Variants in MAPT observed in about 807,000 individuals in gnomAD.
MAPT encodes microtubule-associated protein tau.
A neutral mutation model predicts 67.9 loss-of-function variants in MAPT; 34 were observed. The ratio of observed to expected loss-of-function variants is 0.50; its 90% CI spans 0.38 to 0.67. The LOEUF is 0.67. MAPT is among the 30% of genes least tolerant of loss of function. The pLI is 0.00. For missense variants in MAPT, 881 were observed against 1,115.2 expected, an observed-to-expected ratio of 0.79 and a Z score of 2.99; for synonymous variants, 456 against 464.5, an observed-to-expected ratio of 0.98 and a Z score of 0.23.
intron 2 of MAPT, among the ~76,000 whole-genome samples, chr17:45,966,408 T>C (rs956901310): frequency 6.6e-6 from 1 of 151,730 alleles, no homozygotes; most frequent in African/African-American, 2.4e-5. Context: ...GGCAACATGG[T>C]GAAATCCTGT....
chr17:46,005,612 T>C (rs912538358), intron 9 of MAPT, among the ~76,000 whole-genome samples: 5 of 152,126 alleles, frequency 3.3e-5, no homozygotes, highest in African/African-American at 1.2e-4. Context: ...TAAAAAATAA[T>C]CCGCAAAGAA....
At chr17:45,920,815 G>A (rs1055292145) in intron 1 of MAPT, among the ~76,000 whole-genome samples, 7 of 152,140 alleles carry the variant, frequency 4.6e-5, no homozygotes, top group Non-Finnish European at 1.0e-4. Context: ...GGCCCAGGAA[G>A]GATAGCAGCA....
chr17:45,958,924 G>A (rs773856891), intron 1 of MAPT, among the ~76,000 whole-genome samples: 4 of 152,050 alleles, frequency 2.6e-5, no homozygotes, highest in Non-Finnish European at 5.9e-5. Context: ...TTCGCCAAGC[G>A]TGGTGGCACA....
intron 1 of MAPT, among the ~76,000 whole-genome samples, chr17:45,900,575 A>G (rs2063549100): frequency 6.6e-6 from 1 of 152,192 alleles, no homozygotes; most frequent in South Asian, 2.1e-4. Flanking sequence ...ACACCATGTC[A>G]GCGAGTCCCC....
chr17:45,980,766 C>T (rs1490487697), intron 4 of MAPT, among the ~76,000 whole-genome samples: 1 of 152,168 alleles, frequency 6.6e-6, no homozygotes, highest in Non-Finnish European at 1.5e-5. Context: ...AAGCGACTTC[C>T]GGAAGGCAGT....
chr17:45,998,742 C>T (rs1357491842), intron 9 of MAPT, among the ~76,000 whole-genome samples: 1 of 152,130 alleles, frequency 6.6e-6, no homozygotes, highest in Non-Finnish European at 1.5e-5. Context: ...CTGTCCTGCG[C>T]TTCCACTGGG....
intron 9 of MAPT, among the ~76,000 whole-genome samples, chr17:45,997,195 C>T (rs2074555268): frequency 6.6e-6 from 1 of 152,196 alleles, no homozygotes; most frequent in African/African-American, 2.4e-5. Flanking sequence ...CTCCAGCTTC[C>T]TAAAGGTGGA....
intron 1 of MAPT, among the ~76,000 whole-genome samples, chr17:45,930,317 G>A (rs1397332628): frequency 1.3e-5 from 2 of 150,906 alleles, no homozygotes; most frequent in Non-Finnish European, 2.9e-5. Flanking sequence ...TGAGGCACAA[G>A]AATCTCTTGA....
chr17:45,982,617 C>T (rs551853172), intron 4 of MAPT, among the ~76,000 whole-genome samples: 7 of 152,188 alleles, frequency 4.6e-5, no homozygotes, highest in Non-Finnish European at 7.4e-5. Flanking sequence ...CAAGAACCCT[C>T]TTTACAGATG....
intron 11 of MAPT, among the ~76,000 whole-genome samples, chr17:46,016,221 A>G (rs950224006): frequency 1.3e-5 from 2 of 152,166 alleles, no homozygotes; most frequent in Middle Eastern, 3.4e-3. Context: ...GCGAAACCCC[A>G]TGTCTACTAA....
At chr17:45,993,179 G>A (rs55662347) in intron 8 of MAPT, among the ~76,000 whole-genome samples, 22,072 of 152,252 alleles carry the variant, frequency 0.14, 2,142 homozygotes, top group Non-Finnish European at 0.22. Context: ...CACCTGCTGC[G>A]TGTCTTTGCG....
chr17:45,910,168 G>GGTA (rs2064660996), intron 1 of MAPT, among the ~76,000 whole-genome samples: 2 of 152,144 alleles, frequency 1.3e-5, no homozygotes, highest in Non-Finnish European at 2.9e-5. Flanking sequence ...CTCACACTTG[G>GGTA]GTAGCCCACA....
intron 1 of MAPT, among the ~76,000 whole-genome samples, chr17:45,935,308 G>T (rs971679486): frequency 2.0e-5 from 3 of 151,928 alleles, no homozygotes; most frequent in Non-Finnish European, 4.4e-5. Flanking sequence ...CTCTCACAAG[G>T]CTTTGTTCTG....
At chr17:46,002,419 A>G (rs1462691168) in intron 9 of MAPT, among the ~76,000 whole-genome samples, 1 of 152,162 alleles carries the variant, frequency 6.6e-6, no homozygotes, top group African/African-American at 2.4e-5. Context: ...TGTGGGGCCC[A>G]GGCTGCAGGA....
rs1487488649 is a variant in MAPT at position 45,983,316 on chromosome 17, C to T, written c.737C>T (p.Ser246Leu). 3.7e-6 allele frequency: 6 copies of T among 1,600,842 alleles called. No individual in the cohort carries two copies. Among genetic ancestry groups the T allele is most frequent in the Non-Finnish European group, 5.1e-6 (6 of 1,174,402 alleles). ...EGPREATRQP[S>L]GTGPEDTEGG... The stretch of plus-strand genomic sequence containing the variant: ...CCCAGAGAGGCCACACGCCAACCTT[C>T]GGGGACAGGACCTGAGGACACAGAG... Residue 246 changes from serine (S) to leucine (L), a missense_variant, in exon 5 of 13, where the codon TCG becomes TTG. Transcript: ENST00000262410.
At chr17:45,970,030 A>G (rs1036446761) in intron 2 of MAPT, among the ~76,000 whole-genome samples, 8 of 145,526 alleles carry the variant, frequency 5.5e-5, no homozygotes, top group African/African-American at 2.1e-4. Context: ...CCATCCATCC[A>G]TCCATTCATC....
intron 1 of MAPT, among the ~76,000 whole-genome samples, chr17:45,903,223 T>G (rs1349931681): frequency 1.3e-5 from 2 of 152,298 alleles, no homozygotes; most frequent in Admixed American, 1.3e-4. Context: ...CTCCTCCTCC[T>G]GAATTGGAGC....
At chr17:45,963,754 G>T (rs2070721451) in intron 2 of MAPT, among the ~76,000 whole-genome samples, 1 of 152,170 alleles carries the variant, frequency 6.6e-6, no homozygotes, top group Admixed American at 6.5e-5. Flanking sequence ...TGGGGTCTCT[G>T]GGAGGTCCCC....
Position 45,995,516 on chromosome 17 carries a change from T to A in MAPT, c.1733-883T>A, listed in dbSNP as rs2074399898. Among the ~76,000 whole-genome samples, 2 of 152,132 alleles carry A rather than the reference T, an allele frequency of 1.3e-5. No individual in the cohort carries two copies. The highest frequency in any genetic ancestry group is 2.4e-5 in the African/African-American group (1 of 41,416). On this transcript the variant is annotated intron_variant, in intron 8 of 12. Coordinates refer to ENST00000262410, the MANE Select transcript of MAPT (RefSeq NM_001377265.1). The surrounding 1 kb of genome is among the most constrained non-coding windows in gnomAD (Gnocchi z 4.3). ...AGACCCATGAGATAGAATACCAGACTGTTGAAGTGTAACGGGGGCCTGGGA... is the reference window on the plus strand; with the variant it reads ...AGACCCATGAGATAGAATACCAGACAGTTGAAGTGTAACGGGGGCCTGGGA...
Sources: allele counts gnomAD v4.1 joint callset (sites outside exome capture counted in the v4.1 genomes callset), GRCh38; gene constraint gnomAD v4.1.1; non-coding constraint Gnocchi (gnomAD v3.1); transcripts MANE v1.5; gene names NCBI Gene and HGNC (gene_info 2026-07-23, HGNC 2026-07-21).